The following TCP1 variants were observed in gnomAD, a reference collection of about 807,000 sequenced individuals.
TCP1 encodes T-complex protein 1 subunit alpha.
Under a neutral mutation model 54.7 loss-of-function variants are expected in TCP1, and 6 were observed. The ratio of observed to expected loss-of-function variants is 0.11; its 90% confidence interval spans 0.06 to 0.22. TCP1 has a LOEUF of 0.22. TCP1 is among the 10% of genes least tolerant of loss of function. TCP1 has a pLI of 1.00. For synonymous variants in TCP1, 225 were observed against 229.7 expected (o/e 0.98, Z 0.19); for missense variants, 511 against 678.2 (o/e 0.75, Z 2.74).
In TCP1 at chr6:159,788,073, C is replaced by A; in HGVS notation, c.135G>T (p.Leu45Phe). 6.2e-7 allele frequency: 1 copy of A among 1,614,028 alleles called. No individual in the cohort carries two copies. The highest frequency in any genetic ancestry group is 8.5e-7 in the Non-Finnish European group (1 of 1,180,004). The change falls in exon 2 of 12, where the codon TTG (leucine) becomes TTT (phenylalanine). Residue 45 changes from leucine to phenylalanine, a missense_variant. Around this residue, in one of 5 missense-constraint regions of TCP1, gnomAD observed 54 missense variants for 111.8 expected, o/e 0.48. Transcript: ENST00000321394. ...GTGTACTTACACCAATATCATCCAC[C>A]AACATTTTATCCAAGCCAACTGGAC... The part of the protein sequence containing the change: ...SLGPVGLDKM[L>F]VDDIGDVTIT...
At chr6:159,788,244 G>A (rs1481980587) in intron 1 of TCP1, 101 bp from the exon 2 acceptor site, 4 of 1,063,248 alleles carry the variant, frequency 3.8e-6, no homozygotes, top group South Asian at 2.7e-5. Context: ...AACAGCCCCC[G>A]TATTTCCCAA....
intron 8 of TCP1, 139 bp from the exon 9 acceptor site, chr6:159,780,705 T>G (rs1345385093): frequency 1.6e-6 from 2 of 1,277,968 alleles, no homozygotes; most frequent in African/African-American, 3.0e-5. Context: ...ACTCCTTTTA[T>G]CCTAAGATGG....
chr6:159,787,443 G>A (rs1463564046), intron 3 of TCP1, among the ~76,000 whole-genome samples: 3 of 152,106 alleles, frequency 2.0e-5, no homozygotes, highest in Non-Finnish European at 4.4e-5. Context: ...CAAAACTTGT[G>A]AATACCAACA....
Position 159,778,855 on chromosome 6 carries a change from A to T in TCP1, c.*190T>A. 1 of 1,613,734 alleles carries T rather than the reference A, an allele frequency of 6.2e-7. No individual in the cohort carries two copies. Among genetic ancestry groups the T allele is most frequent in the South Asian group, 1.1e-5 (1 of 91,060 alleles). On this transcript the variant is annotated 3_prime_UTR_variant, in exon 12 of 12. Coordinates refer to ENST00000321394, the MANE Select transcript of TCP1 (RefSeq NM_030752.3). ...ATTGCTTAAACTTTGAACAACCTCA[A>T]TTTCTTTTTAAACTAATAAAGTACT...
chr6:159,781,748 G>A (rs867006930), intron 7 of TCP1, among the ~76,000 whole-genome samples: 2 of 152,134 alleles, frequency 1.3e-5, no homozygotes, highest in Non-Finnish European at 2.9e-5. Context: ...CTCCAGCCTG[G>A]GCAACAAGAG....
intron 6 of TCP1, 23 bp downstream of exon 6, chr6:159,784,643 A>G: frequency 6.2e-7 from 1 of 1,606,754 alleles, no homozygotes; most frequent in Non-Finnish European, 8.5e-7. Context: ...ATCTCATTCT[A>G]TAAACCAAAT....
chr6:159,789,390 C>A lies in TCP1; in HGVS notation c.64+15G>T, dbSNP rs1780794165. The A allele has an allele frequency of 6.2e-7, 1 of 1,613,292 alleles. No individual in the cohort carries two copies. The highest frequency in any genetic ancestry group is 1.3e-5 in the African/African-American group (1 of 74,830). On this transcript the variant is annotated intron_variant, in intron 1 of 11. Transcript: ENST00000321394. ...CCCCGGCCGCAAACCCGACCCAGGC[C>A]CGGCCCGCCCTTACCGTTTTGGGAG...
Position 159,789,536 on chromosome 6 carries a change from C to T in TCP1, c.-68G>A, listed in dbSNP as rs899436827. ...GCAACCAGTATCGCGGCCCCTCGGC[C>T]GACCGGCGACCACAGCAGTGGCTGC... On this transcript the variant is annotated 5_prime_UTR_variant, in exon 1 of 12. Transcript: ENST00000321394. The T allele has an allele frequency of 6.3e-7, 1 of 1,581,138 alleles. No homozygotes were observed. The highest frequency in any genetic ancestry group is 8.6e-7 in the Non-Finnish European group (1 of 1,157,062).
chr6:159,787,911 A>G, intron 2 of TCP1, 40 bp from the exon 3 acceptor site: 1 of 1,611,802 alleles, frequency 6.2e-7, no homozygotes, highest in South Asian at 1.1e-5. Context: ...CACTTATAGA[A>G]ATCAACACAG....
At chr6:159,785,530 A>T in intron 4 of TCP1, 34 bp from the exon 5 acceptor site, 1 of 1,500,994 alleles carries the variant, frequency 6.7e-7, no homozygotes. Flanking sequence ...AAACGCTTAT[A>T]AAGTCACTAC....
Position 159,788,155 on chromosome 6 carries a change from C to A in TCP1, c.65-12G>T. On this transcript the variant is annotated splice_polypyrimidine_tract_variant and intron_variant, in intron 1 of 11. Transcript: ENST00000321394. ...AGCTGCAGCCATAACTGTAGACAATCAATTAAAAATAAAAAAGAAATGAGG... is the reference window on the plus strand; with the variant it reads ...AGCTGCAGCCATAACTGTAGACAATAAATTAAAAATAAAAAAGAAATGAGG... 6.2e-7 allele frequency: 1 copy of A among 1,612,416 alleles called. No individual in the cohort carries two copies. The highest frequency in any genetic ancestry group is 1.1e-5 in the South Asian group (1 of 90,846).
chr6:159,780,029 C>T lies in TCP1; in HGVS notation c.1156G>A (p.Asp386Asn), dbSNP rs1451462132. The part of the protein sequence containing the change: ...ILRGANDFMC[D>N]EMERSLHDAL... Reference sequence around the variant, plus strand: ...TCATGTAAAGAGCGCTCCATCTCATCACACATGAAATCATTTGCCCCACGT... The same window carrying T: ...TCATGTAAAGAGCGCTCCATCTCATTACACATGAAATCATTTGCCCCACGT... The change falls in exon 10 of 12, where the codon GAT becomes AAT. Residue 386 changes from aspartate (D) to asparagine (N), a missense_variant. Asp to Asn is a conservative substitution (Grantham distance 23). Around this residue, in one of 5 missense-constraint regions of TCP1, gnomAD observed 305 missense variants for 352.8 expected, o/e 0.86. Transcript: ENST00000321394. 6.2e-7 allele frequency: 1 copy of T among 1,614,036 alleles called. No individual in the cohort carries two copies. The highest frequency in any genetic ancestry group is 1.7e-5 in the Admixed American group (1 of 60,008).
In TCP1 at chr6:159,788,925, G is replaced by C. The variant is rs548494045; in HGVS notation, c.64+480C>G. 1.4e-4 allele frequency: 22 copies of C among 157,644 alleles called. No homozygotes were observed. In the South Asian group the frequency reaches 3.8e-3, roughly 27 times the overall value. 9.8% of individuals were successfully genotyped at this position (157,644 alleles called of 1,614,324 possible). ...GCTGTCAACCCGGATACGGCTGGAC[G>C]CCGGACGCCCGACCTCGACTGCAGC... On this transcript the variant is annotated intron_variant, in intron 1 of 11. Transcript: ENST00000321394.
chr6:159,784,371 C>A (rs1428356820), intron 6 of TCP1, among the ~76,000 whole-genome samples: 19 of 149,980 alleles, frequency 1.3e-4, no homozygotes, highest in African/African-American at 4.4e-4. Flanking sequence ...GTGGTGTGAT[C>A]TTGGCTCACT....
At chr6:159,787,078 T>TAAAGAGAAA (rs1554269420) in intron 3 of TCP1, among the ~76,000 whole-genome samples, 1 of 133,626 alleles carries the variant, frequency 7.5e-6, no homozygotes, top group Admixed American at 7.7e-5. Flanking sequence ...CCCTGTCTCT[T>TAAAGAGAAA]AAAAAAAAAA....
At position 159,780,092 on chromosome 6, in the gene TCP1, TCAAAA is replaced by T; in HGVS notation, c.1098-10_1098-6del. 6.2e-7 allele frequency: 1 copy of T among 1,602,506 alleles called. No individual in the cohort carries two copies. Among genetic ancestry groups the T allele is most frequent in the Non-Finnish European group, 8.5e-7 (1 of 1,175,362 alleles). ...GCAGACGTACGAGCCTTAGTACTGT[TCAAAA>T]CAAAAGTACAATTCTTGTAATAGCA... On this transcript the variant is annotated splice_polypyrimidine_tract_variant and splice_region_variant and intron_variant, in intron 9 of 11. Coordinates refer to ENST00000321394, the MANE Select transcript of TCP1 (RefSeq NM_030752.3).
rs558618257 is a variant in TCP1, at chr6:159,784,506, A to G, written c.670+160T>C. Reference sequence around the variant, plus strand: ...TTTTTAGTAGAGATGAGGTTTCACCATATTGGACAGGCTGCTCTCAAACTC... The same window carrying G: ...TTTTTAGTAGAGATGAGGTTTCACCGTATTGGACAGGCTGCTCTCAAACTC... On this transcript the variant is annotated intron_variant, in intron 6 of 11. Transcript: ENST00000321394. Among the ~76,000 whole-genome samples, 5 of 152,150 alleles carry G rather than the reference A, an allele frequency of 3.3e-5. No individual in the cohort carries two copies. In the East Asian group the frequency reaches 9.7e-4, roughly 29 times the overall value.
chr6:159,789,195 C>A, intron 1 of TCP1: 1 of 562,642 alleles, frequency 1.8e-6, no homozygotes, highest in Non-Finnish European at 3.1e-6. Flanking sequence ...CAAAACCCTG[C>A]CGCGCGCGGC....
chr6:159,789,574 C>A lies in TCP1; in HGVS notation c.-106G>T. The A allele has an allele frequency of 7.3e-7, 1 of 1,366,518 alleles. No homozygotes were observed. Among genetic ancestry groups the A allele is most frequent in the Non-Finnish European group, 1.0e-6 (1 of 976,604 alleles). 84.6% of individuals were successfully genotyped at this position (1,366,518 alleles called of 1,614,324 possible). On this transcript the variant is annotated 5_prime_UTR_variant, in exon 1 of 12. Transcript: ENST00000321394. ...CAGCAGTGGCTGCGACGGCGTGGAG[C>A]GTACCCGAGCGATGTCCCAGGAGCT...
Sources: allele counts gnomAD v4.1 joint callset (sites outside exome capture counted in the v4.1 genomes callset), GRCh38; gene constraint gnomAD v4.1.1; regional missense constraint gnomAD v4.1.1; transcripts MANE v1.5; gene names NCBI Gene and HGNC (gene_info 2026-07-23, HGNC 2026-07-21).